GTSF1: variants seen among roughly 807,000 people sequenced by gnomAD.
GTSF1 encodes the protein gametocyte-specific factor 1.
GTSF1 carries 11 observed loss-of-function variants against 28.9 expected under a neutral mutation model. The ratio of observed to expected loss-of-function variants is 0.38; its 90% CI spans 0.24 to 0.63. The LOEUF (loss-of-function observed/expected upper bound fraction) is 0.63. Among genes scored for constraint, GTSF1 ranks in the 30% least tolerant of loss-of-function variants. GTSF1 has a pLI of 0.56. For synonymous variants in GTSF1, 69 were observed against 65.6 expected, an observed-to-expected ratio of 1.05 and a Z score of -0.25; for missense variants, 146 against 201.0, an observed-to-expected ratio of 0.73 and a Z score of 1.66.
chr12:54,472,449 G>A (rs1320455125), intron 1 of GTSF1: 3 of 152,182 alleles, frequency 2.0e-5, no homozygotes, highest in Non-Finnish European at 4.4e-5. Flanking sequence ...GGATAACAGA[G>A]TCACAAGAGA....
At chr12:54,459,574 A>G in intron 7 of GTSF1, 1 of 570,526 alleles carries the variant, frequency 1.8e-6, no homozygotes, top group Non-Finnish European at 2.7e-6. Context: ...TTGTTTACCC[A>G]GCATGACCTC....
At chr12:54,462,802 A>T (rs1376176777) in intron 4 of GTSF1, 77 bp from the exon 5 acceptor site, 5 of 1,166,262 alleles carry the variant, frequency 4.3e-6, no homozygotes, top group Non-Finnish European at 6.3e-6. Flanking sequence ...GTAGCTTAAA[A>T]GGTTGCAAGG....
chr12:54,462,616 A>G (rs1277004941), intron 5 of GTSF1, 26 bp downstream of exon 5: 3 of 1,571,248 alleles, frequency 1.9e-6, no homozygotes, highest in Non-Finnish European at 2.6e-6. Context: ...AGACATTGTG[A>G]AGAAAAAGAT....
intron 5 of GTSF1, 48 bp from the exon 6 acceptor site, chr12:54,462,220 C>T (rs745531779): frequency 2.3e-6 from 3 of 1,314,996 alleles, no homozygotes; most frequent in Non-Finnish European, 3.3e-6. Context: ...AGATAAGACA[C>T]CAGCAGTTCA....
At chr12:54,464,921 T>C in intron 3 of GTSF1, 146 bp downstream of exon 3, 1 of 519,526 alleles carries the variant, frequency 1.9e-6, no homozygotes, top group East Asian at 3.2e-5. Context: ...ACAAATGCCT[T>C]TCTATAAATG....
chr12:54,468,410 C>T (rs939067747), intron 2 of GTSF1, among the ~76,000 whole-genome samples: 6 of 152,162 alleles, frequency 3.9e-5, no homozygotes, highest in Admixed American at 2.0e-4. Context: ...CATAAGCCAC[C>T]GTGCCCGGCC....
intron 2 of GTSF1, 41 bp from the exon 3 acceptor site, chr12:54,465,208 G>A: frequency 2.2e-6 from 3 of 1,373,426 alleles, no homozygotes; most frequent in South Asian, 2.3e-5. Flanking sequence ...ACGATAATAG[G>A]CCCTTGTAAA....
intron 6 of GTSF1, among the ~76,000 whole-genome samples, chr12:54,461,263 T>A (rs1381333208): frequency 1.3e-5 from 2 of 151,892 alleles, no homozygotes; most frequent in South Asian, 2.1e-4. Context: ...CCAGCTTATT[T>A]TTTTTTTTTA....
intron 2 of GTSF1, among the ~76,000 whole-genome samples, 157 bp from the exon 3 acceptor site, chr12:54,465,324 T>A (rs1346065567): frequency 6.6e-6 from 1 of 152,180 alleles, no homozygotes; most frequent in Non-Finnish European, 1.5e-5. Flanking sequence ...ACTACACTTT[T>A]AAAATATTTC....
chr12:54,462,950 T>C (rs1168647259), intron 4 of GTSF1, among the ~76,000 whole-genome samples: 2 of 152,210 alleles, frequency 1.3e-5, no homozygotes, highest in Non-Finnish European at 2.9e-5. Flanking sequence ...GATTTATTTT[T>C]AGATGAATTA....
At chr12:54,470,219 G>T (rs2120801650) in intron 2 of GTSF1, among the ~76,000 whole-genome samples, 1 of 152,154 alleles carries the variant, frequency 6.6e-6, no homozygotes, top group Admixed American at 6.5e-5. Flanking sequence ...AAGGGGCAGG[G>T]GATCCCTTTT....
intron 1 of GTSF1, among the ~76,000 whole-genome samples, chr12:54,471,514 G>C (rs887588399): frequency 1.3e-5 from 2 of 152,054 alleles, no homozygotes; most frequent in Admixed American, 6.6e-5. Flanking sequence ...AAATAGTTAA[G>C]AAAAACCAAA....
intron 2 of GTSF1, 119 bp from the exon 3 acceptor site, chr12:54,465,286 A>G: frequency 1.8e-6 from 1 of 546,258 alleles, no homozygotes; most frequent in East Asian, 2.9e-5. Context: ...TATAGTCTAA[A>G]GAAAACTTGG....
chr12:54,469,687 C>CA (rs375917825), intron 2 of GTSF1, among the ~76,000 whole-genome samples: 10,349 of 57,370 alleles, frequency 0.18, 891 homozygotes, highest in Non-Finnish European at 0.21. Context: ...GACTCCTTCT[C>CA]AAAAAAAAAA....
chr12:54,461,080 G>A (rs116525856), intron 6 of GTSF1, among the ~76,000 whole-genome samples: 1,926 of 152,136 alleles, frequency 0.013, 20 homozygotes, highest in African/African-American at 0.02. Context: ...TGGTGTTAAT[G>A]AGAAATAGCT....
chr12:54,471,139 C>T (rs1956588503), intron 2 of GTSF1, 94 bp downstream of exon 2: 1 of 961,014 alleles, frequency 1.0e-6, no homozygotes, highest in South Asian at 2.3e-5. Flanking sequence ...GTTGAGAAGT[C>T]CGACTTCTTC....
At chr12:54,464,507 A>C (rs1488782914) in intron 3 of GTSF1, among the ~76,000 whole-genome samples, 1 of 152,200 alleles carries the variant, frequency 6.6e-6, no homozygotes, top group Non-Finnish European at 1.5e-5. Context: ...ACATTGTCAA[A>C]ATGTCTCATT....
rs746561009 is a variant in GTSF1 at position 54,462,200 on chromosome 12, T to G, written c.329-28A>C. On this transcript the variant is annotated intron_variant, in intron 5 of 8. Coordinates refer to ENST00000305879, the MANE Select transcript of GTSF1 (RefSeq NM_144594.3). ...GTTAAAGGAAGCAAAACATAGTTTG[T>G]GGTACTACTAGATAAGACACCAGCA... is the stretch of plus-strand genomic sequence containing the variant. The G allele has an allele frequency of 6.5e-6, 10 of 1,543,968 alleles. No individual in the cohort carries two copies. In the South Asian group the frequency reaches 1.1e-4, roughly 17 times the overall value.
At chr12:54,462,768 A>C in intron 4 of GTSF1, 43 bp from the exon 5 acceptor site, 1 of 1,515,886 alleles carries the variant, frequency 6.6e-7, no homozygotes, top group Non-Finnish European at 9.1e-7. Flanking sequence ...GGATATTGCC[A>C]AGTTATTGTG....
Sources: allele counts gnomAD v4.1 joint callset (sites outside exome capture counted in the v4.1 genomes callset), GRCh38; gene constraint gnomAD v4.1.1; transcripts MANE v1.5; gene names NCBI Gene and HGNC (gene_info 2026-07-23, HGNC 2026-07-21).